CNTNAP2: variants seen among roughly 807,000 people sequenced by gnomAD.
CNTNAP2 encodes the protein contactin associated protein 2.
Under a neutral mutation model 155.2 loss-of-function variants are expected in CNTNAP2, and 98 were observed. The ratio of observed to expected loss-of-function variants is 0.63; its 90% CI spans 0.54 to 0.75. The LOEUF is 0.75. CNTNAP2 is among the 30% of genes least tolerant of loss of function. The pLI, the probability that CNTNAP2 is intolerant of heterozygous loss-of-function variation, is 0.00. For missense variants in CNTNAP2, 1,727 were observed against 1,688.1 expected (o/e 1.02, Z -0.40); for synonymous variants, 651 against 631.2 (o/e 1.03, Z -0.47).
intron 2 of CNTNAP2, among the ~76,000 whole-genome samples, chr7:146,827,028 A>G (rs1261416346): frequency 6.6e-6 from 1 of 151,836 alleles, no homozygotes; most frequent in Non-Finnish European, 1.5e-5. Flanking sequence ...TTTCAATTAC[A>G]ATTCAATTTG....
intron 14 of CNTNAP2, among the ~76,000 whole-genome samples, chr7:147,935,963 C>T (rs1294829899): frequency 6.6e-6 from 1 of 152,098 alleles, no homozygotes; most frequent in Non-Finnish European, 1.5e-5. Context: ...CTCTTATATT[C>T]AGTCCTCATT....
chr7:147,335,153 A>G (rs1322893613), intron 9 of CNTNAP2, among the ~76,000 whole-genome samples: 1 of 152,138 alleles, frequency 6.6e-6, no homozygotes, highest in African/African-American at 2.4e-5. Context: ...AGTGAATTGG[A>G]TTGTGAGTAT....
At chr7:146,970,415 C>T (rs1797761567) in intron 3 of CNTNAP2, among the ~76,000 whole-genome samples, 2 of 152,162 alleles carry the variant, frequency 1.3e-5, no homozygotes, top group Non-Finnish European at 1.5e-5. Flanking sequence ...TGAACAGACA[C>T]TTCTCAAAAG....
chr7:146,309,107 C>T (rs970723857), intron 1 of CNTNAP2, among the ~76,000 whole-genome samples: 1 of 152,174 alleles, frequency 6.6e-6, no homozygotes, highest in Non-Finnish European at 1.5e-5. Context: ...TGAGAAGAAC[C>T]ACCTTTTTAT....
chr7:148,165,586 T>G (rs924434203), intron 17 of CNTNAP2, among the ~76,000 whole-genome samples: 2 of 152,222 alleles, frequency 1.3e-5, no homozygotes, highest in African/African-American at 4.8e-5. Flanking sequence ...GTGCATTATC[T>G]GTTATTAACA....
chr7:148,120,448 G>T (rs1029204245), intron 16 of CNTNAP2, among the ~76,000 whole-genome samples: 1 of 151,840 alleles, frequency 6.6e-6, no homozygotes, highest in African/African-American at 2.4e-5. Context: ...TGTGGTTTTT[G>T]TCACTGCGGG....
chr7:146,216,998 T>C (rs928345555), intron 1 of CNTNAP2, among the ~76,000 whole-genome samples: 2 of 152,170 alleles, frequency 1.3e-5, no homozygotes, highest in South Asian at 4.1e-4. Context: ...TGCTCAAACA[T>C]TTCATCAAAA....
At chr7:146,209,995 G>T (rs1799008641) in intron 1 of CNTNAP2, among the ~76,000 whole-genome samples, 1 of 152,098 alleles carries the variant, frequency 6.6e-6, no homozygotes, top group South Asian at 2.1e-4. Context: ...TCCCCTAGAT[G>T]CCTGAAGGTT....
At chr7:146,440,787 T>C (rs1245305430) in intron 1 of CNTNAP2, among the ~76,000 whole-genome samples, 1 of 151,688 alleles carries the variant, frequency 6.6e-6, no homozygotes. Context: ...CATAAATACA[T>C]AGATTCATAT....
At chr7:148,010,503 T>C (rs149668735) in intron 15 of CNTNAP2, among the ~76,000 whole-genome samples, 7 of 151,576 alleles carry the variant, frequency 4.6e-5, no homozygotes, top group African/African-American at 1.7e-4. Flanking sequence ...TTTCTATGTT[T>C]GGGTCATTAA....
intron 12 of CNTNAP2, among the ~76,000 whole-genome samples, chr7:147,638,368 C>T (rs1795216846): frequency 6.6e-6 from 1 of 152,158 alleles, no homozygotes; most frequent in Admixed American, 6.5e-5. Flanking sequence ...TTTTTCAGTG[C>T]ACAGAGGCAA....
intron 8 of CNTNAP2, among the ~76,000 whole-genome samples, chr7:147,198,878 A>G (rs1802862953): frequency 6.6e-6 from 1 of 151,812 alleles, no homozygotes; most frequent in South Asian, 2.1e-4. Context: ...GTGATTGTGG[A>G]TACCAGAGCT....
At chr7:146,276,364 A>G (rs1341981916) in intron 1 of CNTNAP2, among the ~76,000 whole-genome samples, 1 of 152,230 alleles carries the variant, frequency 6.6e-6, no homozygotes, top group Non-Finnish European at 1.5e-5. Flanking sequence ...CTATTGGGAT[A>G]TGGAACCTAT....
chr7:147,914,120 A>G (rs1423167920), intron 14 of CNTNAP2, among the ~76,000 whole-genome samples: 1 of 152,216 alleles, frequency 6.6e-6, no homozygotes, highest in Non-Finnish European at 1.5e-5. Flanking sequence ...AAATGATGTT[A>G]TAAGGCTGGC....
rs551895005 is a variant in CNTNAP2, at chr7:147,427,994, A to T, written c.1670+32214A>T. Among the ~76,000 whole-genome samples, 5 of 152,286 alleles carry T rather than the reference A, an allele frequency of 3.3e-5. No homozygotes were observed. The South Asian group carries it at 8.3e-4, about 25-fold the overall frequency. On this transcript the variant is annotated intron_variant, in intron 10 of 23. Coordinates refer to ENST00000361727, the MANE Select transcript of CNTNAP2 (RefSeq NM_014141.6). ...TTAAATTTTAGGTTTCAGTTAAATTAAAAAAATAGTAACATTATCTTTCAA... is the reference window on the plus strand; with the variant it reads ...TTAAATTTTAGGTTTCAGTTAAATTTAAAAAATAGTAACATTATCTTTCAA...
chr7:146,456,494 A>G (rs1201341249), intron 1 of CNTNAP2, among the ~76,000 whole-genome samples: 1 of 152,164 alleles, frequency 6.6e-6, no homozygotes, highest in East Asian at 1.9e-4. Context: ...TGGGCTTTAT[A>G]TAAATTTTCT....
intron 1 of CNTNAP2, among the ~76,000 whole-genome samples, chr7:146,226,398 C>T (rs933713286): frequency 1.3e-5 from 2 of 152,158 alleles, no homozygotes; most frequent in African/African-American, 4.8e-5. Context: ...GTGGCTTACA[C>T]CTCTAATCCT....
At chr7:147,198,955 CTTTTTTTTTTTT>C (rs531893928) in intron 8 of CNTNAP2, among the ~76,000 whole-genome samples, 3 of 99,312 alleles carry the variant, frequency 3.0e-5, no homozygotes, top group African/African-American at 8.0e-5. Context: ...AATCAAAGGA[CTTTTTTTTTTTT>C]TTTTTTTTTT....
At chr7:147,032,721 GGAGA>G (rs979849512) in intron 3 of CNTNAP2, among the ~76,000 whole-genome samples, 1 of 152,064 alleles carries the variant, frequency 6.6e-6, no homozygotes, top group Non-Finnish European at 1.5e-5. Flanking sequence ...GAGAAAAAAA[GGAGA>G]GAGAAAAAGG....
Sources: gnomAD v4.1 joint callset for allele counts (sites outside exome capture counted in the v4.1 genomes callset) on GRCh38, gnomAD v4.1.1 for gene constraint, MANE v1.5 for transcripts, NCBI Gene and HGNC (gene_info 2026-07-23, HGNC 2026-07-21) for gene names.